Variants in GALNT17 observed in about 807,000 individuals in gnomAD.
GALNT17 encodes UDP-GalNAc:polypeptide N-acetylgalactosaminyltransferase-like 3.
GALNT17 carries 29 observed loss-of-function variants against 63.7 expected under a neutral mutation model. That is an observed-to-expected ratio of 0.46 (90% CI 0.34 to 0.62). The LOEUF (loss-of-function observed/expected upper bound fraction) is 0.62. Among genes scored for constraint, GALNT17 ranks in the 20% least tolerant of loss-of-function variants. GALNT17 has a pLI of 0.01. For synonymous variants in GALNT17, 305 were observed against 318.3 expected (o/e 0.96, Z 0.45); for missense variants, 603 against 799.6 (o/e 0.75, Z 2.97).
chr7:71,652,034 C>T (rs1279359076), intron 6 of GALNT17, among the ~76,000 whole-genome samples: 1 of 152,070 alleles, frequency 6.6e-6, no homozygotes, highest in African/African-American at 2.4e-5. Context: ...AAAATAAACC[C>T]ATATTATTCT....
At chr7:71,627,448 C>G (rs1461014809) in intron 6 of GALNT17, among the ~76,000 whole-genome samples, 2 of 152,162 alleles carry the variant, frequency 1.3e-5, no homozygotes, top group Non-Finnish European at 2.9e-5. Context: ...AAGAAAGAAA[C>G]AGCCTTTCCA....
intron 5 of GALNT17, among the ~76,000 whole-genome samples, chr7:71,440,486 T>C (rs1787046093): frequency 6.6e-6 from 1 of 151,894 alleles, no homozygotes; most frequent in Admixed American, 6.6e-5. Flanking sequence ...CCAATTCTCC[T>C]GCCTCAGCCT....
chr7:71,696,418 A>G (rs1430803919), intron 9 of GALNT17, among the ~76,000 whole-genome samples: 5 of 151,992 alleles, frequency 3.3e-5, no homozygotes. Context: ...CAGCCAAGAA[A>G]CCTACATTTT....
At chr7:71,284,255 G>A in intron 1 of GALNT17, 1 of 158,518 alleles carries the variant, frequency 6.3e-6, no homozygotes, top group Non-Finnish European at 1.4e-5. Flanking sequence ...TGGACACAGT[G>A]GCATGATCTC....
At chr7:71,382,833 AT>A (rs1489999567) in intron 2 of GALNT17, among the ~76,000 whole-genome samples, 1 of 152,134 alleles carries the variant, frequency 6.6e-6, no homozygotes, top group African/African-American at 2.4e-5. Context: ...TATTTTTCCC[AT>A]TTTTTATTGT....
intron 1 of GALNT17, among the ~76,000 whole-genome samples, chr7:71,323,042 G>T (rs898508107): frequency 2.0e-5 from 3 of 152,056 alleles, no homozygotes; most frequent in Non-Finnish European, 4.4e-5. Flanking sequence ...GAAAAAAAAA[G>T]AAGATAAAAG....
At chr7:71,411,075 G>C (rs1793420934) in intron 3 of GALNT17, among the ~76,000 whole-genome samples, 1 of 152,096 alleles carries the variant, frequency 6.6e-6, no homozygotes, top group Admixed American at 6.6e-5. Context: ...TCCTAGAATG[G>C]TTTCATCTGT....
chr7:71,421,713 G>T (rs775398400), intron 5 of GALNT17, among the ~76,000 whole-genome samples: 28 of 152,146 alleles, frequency 1.8e-4, no homozygotes, highest in Non-Finnish European at 3.4e-4. Flanking sequence ...ACTGTGGGAG[G>T]CCAAAGTGGG....
At chr7:71,517,481 T>G (rs1289848705) in intron 5 of GALNT17, among the ~76,000 whole-genome samples, 1 of 152,190 alleles carries the variant, frequency 6.6e-6, no homozygotes, top group Non-Finnish European at 1.5e-5. Context: ...CCCTGCTGTT[T>G]TAGCCCACCT....
At chr7:71,177,006 A>C (rs1303460499) in intron 1 of GALNT17, among the ~76,000 whole-genome samples, 2 of 152,078 alleles carry the variant, frequency 1.3e-5, no homozygotes, top group African/African-American at 2.4e-5. Flanking sequence ...GTAGTTACTA[A>C]AAGGACAGAG....
At chr7:71,485,131 GA>G (rs1366429331) in intron 5 of GALNT17, among the ~76,000 whole-genome samples, 2 of 143,244 alleles carry the variant, frequency 1.4e-5, no homozygotes, top group African/African-American at 5.2e-5. Flanking sequence ...TTTAAGACAG[GA>G]TCTTGCTCTG....
chr7:71,580,501 A>G (rs1789620913), intron 6 of GALNT17, among the ~76,000 whole-genome samples: 3 of 152,174 alleles, frequency 2.0e-5, no homozygotes, highest in Admixed American at 1.3e-4. Context: ...GGGATTTAAA[A>G]GAAGTAAGAG....
At chr7:71,661,464 G>T (rs1450993766) in intron 6 of GALNT17, among the ~76,000 whole-genome samples, 1 of 152,168 alleles carries the variant, frequency 6.6e-6, no homozygotes, top group African/African-American at 2.4e-5. Context: ...GAGAGTAGAG[G>T]AGAGATGAGC....
At chr7:71,251,645 C>T (rs1259800358) in intron 1 of GALNT17, among the ~76,000 whole-genome samples, 1 of 152,188 alleles carries the variant, frequency 6.6e-6, no homozygotes, top group Non-Finnish European at 1.5e-5. Context: ...CTCCTGGCCT[C>T]AAGTGATCCT....
intron 1 of GALNT17, among the ~76,000 whole-genome samples, chr7:71,325,855 A>G (rs1204037397): frequency 6.6e-6 from 1 of 152,188 alleles, no homozygotes. Flanking sequence ...GGGAATTTCT[A>G]AAATTTCAAA....
chr7:71,620,809 C>T (rs1790278765), intron 6 of GALNT17, among the ~76,000 whole-genome samples: 1 of 152,254 alleles, frequency 6.6e-6, no homozygotes, highest in South Asian at 2.1e-4. Flanking sequence ...TTCTGCTGAC[C>T]TCTTCAGCTA....
intron 6 of GALNT17, among the ~76,000 whole-genome samples, chr7:71,591,162 T>C (rs1789794406): frequency 6.6e-6 from 1 of 152,188 alleles, no homozygotes; most frequent in South Asian, 2.1e-4. Flanking sequence ...GTTCAAGCGA[T>C]TCTCCTGCCT....
intron 1 of GALNT17, among the ~76,000 whole-genome samples, chr7:71,323,642 T>C (rs2116021142): frequency 6.6e-6 from 1 of 152,242 alleles, no homozygotes; most frequent in East Asian, 1.9e-4. Flanking sequence ...AGGGAATCAA[T>C]GATGATTTGA....
intron 1 of GALNT17, among the ~76,000 whole-genome samples, chr7:71,275,682 TG>T (rs1173777927): frequency 2.0e-5 from 3 of 152,076 alleles, no homozygotes; most frequent in African/African-American, 7.2e-5. Flanking sequence ...GTTGAGGAAG[TG>T]GGATGCACGT....
Sources: gnomAD v4.1 joint callset for allele counts (sites outside exome capture counted in the v4.1 genomes callset) on GRCh38, gnomAD v4.1.1 for gene constraint, MANE v1.5 for transcripts, NCBI Gene and HGNC (gene_info 2026-07-23, HGNC 2026-07-21) for gene names.